Variants in DYM observed in about 807,000 individuals in gnomAD.
The protein encoded by DYM is dymeclin, also known as dyggve-Melchior-Clausen syndrome protein.
DYM carries 78 observed loss-of-function variants against 93.1 expected under a neutral mutation model. The observed-to-expected ratio is 0.84, with a 90% CI of 0.70 to 1.01. The LOEUF (loss-of-function observed/expected upper bound fraction) is 1.01. DYM is among the 50% of genes least tolerant of loss of function. The pLI is 0.00. For synonymous variants in DYM, 321 were observed against 319.7 expected (o/e 1.00, Z -0.04); for missense variants, 789 against 845.0 (o/e 0.93, Z 0.82).
At chr18:49,153,448 T>C (rs2086042417) in intron 15 of DYM, among the ~76,000 whole-genome samples, 1 of 152,204 alleles carries the variant, frequency 6.6e-6, no homozygotes, top group Non-Finnish European at 1.5e-5. Flanking sequence ...CCAAATTTCA[T>C]GATCCTCCTG....
chr18:49,397,678 A>G (rs892128540), intron 2 of DYM, among the ~76,000 whole-genome samples: 13 of 152,206 alleles, frequency 8.5e-5, no homozygotes, highest in African/African-American at 3.1e-4. Flanking sequence ...TTTTAGAAAA[A>G]CTGTGGAAGA....
At chr18:49,064,195 A>G (rs2076216104) in intron 17 of DYM, among the ~76,000 whole-genome samples, 1 of 152,332 alleles carries the variant, frequency 6.6e-6, no homozygotes, top group East Asian at 1.9e-4. Context: ...ACATTATACA[A>G]AATCTAATCA....
intron 13 of DYM, among the ~76,000 whole-genome samples, chr18:49,244,303 T>C (rs1203667468): frequency 6.6e-6 from 1 of 152,172 alleles, no homozygotes; most frequent in Non-Finnish European, 1.5e-5. Flanking sequence ...TGTCACAGGG[T>C]GTCTGGGACC....
rs919411560 is a variant in DYM at position 49,188,608 on chromosome 18, G to A, written c.1625+20943C>T. Among the ~76,000 whole-genome samples the A allele has an allele frequency of 9.9e-5, 15 of 152,054 alleles. 1 individual carries two copies. The highest frequency in any genetic ancestry group is 3.4e-4 in the African/African-American group (14 of 41,434). Reference sequence around the variant, plus strand: ...GCAAGGACAAAAAACCAAACATCGCGTGTCCTCACTCATAGGTGGGAATTG... The same window carrying A: ...GCAAGGACAAAAAACCAAACATCGCATGTCCTCACTCATAGGTGGGAATTG... On this transcript the variant is annotated intron_variant, in intron 14 of 17. Transcript: ENST00000675505.
intron 4 of DYM, 28 bp from the exon 5 acceptor site, chr18:49,378,728 C>A: frequency 1.2e-6 from 2 of 1,609,586 alleles, no homozygotes; most frequent in South Asian, 2.2e-5. Context: ...ATACAAGAAT[C>A]AATATTTAAA....
intron 14 of DYM, among the ~76,000 whole-genome samples, chr18:49,166,130 T>C (rs1179809427): frequency 6.6e-6 from 1 of 152,192 alleles, no homozygotes; most frequent in Non-Finnish European, 1.5e-5. Flanking sequence ...CACTCATCGT[T>C]ATTCTCATGA....
intron 2 of DYM, among the ~76,000 whole-genome samples, chr18:49,407,688 G>A (rs2071669048): frequency 6.6e-6 from 1 of 152,114 alleles, no homozygotes; most frequent in South Asian, 2.1e-4. Flanking sequence ...TTCTCACCAG[G>A]CCCTACCTCC....
chr18:49,176,671 T>G (rs1213037600), intron 14 of DYM, among the ~76,000 whole-genome samples: 1 of 146,112 alleles, frequency 6.8e-6, no homozygotes, highest in East Asian at 2.2e-4. Flanking sequence ...CACTTCAGCC[T>G]CCCAAAGTGC....
At chr18:49,136,668 A>G (rs1444310112) in intron 15 of DYM, among the ~76,000 whole-genome samples, 1 of 152,174 alleles carries the variant, frequency 6.6e-6, no homozygotes, top group Non-Finnish European at 1.5e-5. Flanking sequence ...CAATATGTAA[A>G]ATATAAAACC....
At chr18:49,217,662 T>A (rs1241695953) in intron 13 of DYM, among the ~76,000 whole-genome samples, 11 of 152,152 alleles carry the variant, frequency 7.2e-5, no homozygotes, top group Admixed American at 5.9e-4. Flanking sequence ...CTAAGCTTCA[T>A]AAGTGAAGGA....
chr18:49,275,097 T>C (rs2094817287), intron 10 of DYM, among the ~76,000 whole-genome samples: 2 of 152,216 alleles, frequency 1.3e-5, no homozygotes, highest in African/African-American at 2.4e-5. Context: ...CTAAGAGGTT[T>C]ATAGTTTTAG....
chr18:49,457,942 C>T (rs997050695), intron 1 of DYM, among the ~76,000 whole-genome samples: 8 of 152,154 alleles, frequency 5.3e-5, no homozygotes, highest in Middle Eastern at 3.2e-3. Context: ...AGGAAAGTGG[C>T]AGCCTCTAGA....
At chr18:49,261,180 A>G (rs1001817634) in intron 11 of DYM, among the ~76,000 whole-genome samples, 3 of 152,170 alleles carry the variant, frequency 2.0e-5, no homozygotes, top group African/African-American at 7.2e-5. Context: ...TTTCATGTCA[A>G]TATGTTTGAA....
At chr18:49,151,137 T>C (rs76974445) in intron 15 of DYM, among the ~76,000 whole-genome samples, 17,460 of 152,184 alleles carry the variant, frequency 0.11, 1,195 homozygotes, top group East Asian at 0.29. Context: ...AATTCATGAA[T>C]AAATTAAGAA....
intron 14 of DYM, among the ~76,000 whole-genome samples, chr18:49,183,368 G>T (rs1671778672): frequency 6.6e-6 from 1 of 151,938 alleles, no homozygotes; most frequent in South Asian, 2.1e-4. Context: ...ACACCACAAG[G>T]CAGTCCTGCA....
At chr18:49,258,992 A>AC (rs2094448273) in intron 11 of DYM, among the ~76,000 whole-genome samples, 1 of 150,876 alleles carries the variant, frequency 6.6e-6, no homozygotes, top group Non-Finnish European at 1.5e-5. Flanking sequence ...AAAAAAAAAA[A>AC]CAAACCAACA....
At chr18:49,303,566 G>T (rs868172298) in intron 8 of DYM, among the ~76,000 whole-genome samples, 5 of 152,118 alleles carry the variant, frequency 3.3e-5, no homozygotes, top group South Asian at 2.1e-4. Context: ...AGCTGGTCAG[G>T]TGTGACCCTT....
intron 8 of DYM, among the ~76,000 whole-genome samples, chr18:49,302,566 A>G (rs2061001247): frequency 6.6e-6 from 1 of 152,182 alleles, no homozygotes; most frequent in African/African-American, 2.4e-5. Flanking sequence ...TGTGATCCAT[A>G]AAGTTTAAAG....
At chr18:49,303,859 A>C (rs1036735474) in intron 8 of DYM, among the ~76,000 whole-genome samples, 12 of 152,162 alleles carry the variant, frequency 7.9e-5, no homozygotes, top group Non-Finnish European at 1.5e-4. Flanking sequence ...TTTCATATAC[A>C]TGGGGGGAAA....
Sources: allele counts gnomAD v4.1 joint callset (sites outside exome capture counted in the v4.1 genomes callset), GRCh38; gene constraint gnomAD v4.1.1; transcripts MANE v1.5; gene names NCBI Gene and HGNC (gene_info 2026-07-23, HGNC 2026-07-21).